The following PDE6B variants were observed in gnomAD, a reference collection of about 807,000 sequenced individuals.
PDE6B encodes the protein phosphodiesterase 6B, also known as rod cGMP-specific 3',5'-cyclic phosphodiesterase subunit beta.
In PDE6B, 106 loss-of-function variants were observed where a neutral mutation model predicts 109.0. That is an observed-to-expected ratio of 0.97 (90% CI 0.83 to 1.14). The LOEUF is 1.14. Ranked by LOEUF, PDE6B falls within the 50% of genes most tolerant of loss-of-function variation. The pLI is 0.00. For missense variants in PDE6B, 1,193 were observed against 1,155.6 expected (o/e 1.03, Z -0.47); for synonymous variants, 490 against 471.3 (o/e 1.04, Z -0.51).
At chr4:635,351 C>G (rs560753630) in intron 2 of PDE6B, among the ~76,000 whole-genome samples, 1 of 135,678 alleles carries the variant, frequency 7.4e-6, no homozygotes, top group Non-Finnish European at 1.5e-5. Flanking sequence ...ACCTGCCTGC[C>G]TGCCTGCCCG....
At position 652,301 on chromosome 4, in the gene PDE6B, G is replaced by A. The variant is rs184386439; in HGVS notation, c.712-1551G>A. 230 of 154,444 alleles carry A rather than the reference G, an allele frequency of 1.5e-3. 2 individuals carry two copies. In the South Asian group the frequency reaches 0.018, roughly 12 times the overall value. 9.6% of individuals were successfully genotyped at this position (154,444 alleles called of 1,614,324 possible). A position where few individuals can be genotyped will look rare whatever the true frequency, so the allele number is the denominator to read the frequency against. On this transcript the variant is annotated intron_variant, in intron 3 of 21. Transcript: ENST00000496514. The stretch of plus-strand genomic sequence containing the variant: ...GATGCTGCCAGGGAAGGGCACTGAC[G>A]TGCATGGACCTGGAGGATGCCACTG...
At position 665,803 on chromosome 4, in the gene PDE6B, G is replaced by GGCGCCAGGAACAGGAGAGGCAGGGCT. The variant is rs1737727901; in HGVS notation, c.2268+477_2268+502dup. Among the ~76,000 whole-genome samples, 1 of 152,188 alleles carries GGCGCCAGGAACAGGAGAGGCAGGGCT rather than the reference G, an allele frequency of 6.6e-6. No homozygotes were observed. Among genetic ancestry groups the GGCGCCAGGAACAGGAGAGGCAGGGCT allele is most frequent in the Non-Finnish European group, 1.5e-5 (1 of 68,024 alleles). On this transcript the variant is annotated intron_variant, in intron 19 of 21. Transcript: ENST00000496514. This position sits in a 1 kb window ranked among gnomAD's most constrained non-coding sequence, Gnocchi z 4.0. Reference sequence around the variant, plus strand: ...GCCAGCAAATGGGAGAGTCAGGATAGGCGCCAGGAACAGGAGAGGCAGGGC... The same window carrying GGCGCCAGGAACAGGAGAGGCAGGGCT: ...GCCAGCAAATGGGAGAGTCAGGATAGGCGCCAGGAACAGGAGAGGCAGGGCTGCGCCAGGAACAGGAGAGGCAGGGC...
chr4:628,251 A>G (rs1355040065), intron 1 of PDE6B, among the ~76,000 whole-genome samples: 1 of 152,156 alleles, frequency 6.6e-6, no homozygotes, highest in Non-Finnish European at 1.5e-5. Context: ...TTCTGGGTTC[A>G]TGTCTCAGTT....
chr4:625,954 C>A lies in PDE6B; in HGVS notation c.328C>A (p.Leu110Ile), dbSNP rs1418170179. 6.3e-7 allele frequency: 1 copy of A among 1,588,196 alleles called. No homozygotes were observed. Among genetic ancestry groups the A allele is most frequent in the Non-Finnish European group, 8.6e-7 (1 of 1,167,424 alleles). The change falls in exon 1 of 22, where the codon CTT (leucine) becomes ATT (isoleucine). Residue 110 changes from leucine to isoleucine, a missense_variant. Transcript: ENST00000496514. The surrounding 1 kb of genome is among the most constrained non-coding windows in gnomAD (Gnocchi z 5.0). ...RNGVAELATR[L>I]FSVQPDSVLE... ...CGGCGTGGCCGAGCTGGCCACCAGG[C>A]TTTTCAGCGTGCAGCCGGACAGCGT...
At chr4:634,016 C>G (rs376663134) in intron 1 of PDE6B, among the ~76,000 whole-genome samples, 3 of 151,920 alleles carry the variant, frequency 2.0e-5, no homozygotes, top group African/African-American at 7.2e-5. Context: ...GGGTGGGTAC[C>G]CCCTGGGAGC....
Position 626,328 on chromosome 4 carries a change from G to A in PDE6B, c.468+234G>A, listed in dbSNP as rs912922235. On this transcript the variant is annotated intron_variant, in intron 1 of 21. Coordinates refer to ENST00000496514, the MANE Select transcript of PDE6B (RefSeq NM_000283.4). This position sits in a 1 kb window ranked among gnomAD's most constrained non-coding sequence, Gnocchi z 4.6. ...CTGACATCGCATGGCCACTGAGTTG[G>A]TTAGACCTGAGTCTAGGAGCCTCGG... Among the ~76,000 whole-genome samples, 3 of 152,228 alleles carry A rather than the reference G, an allele frequency of 2.0e-5. No individual in the cohort carries two copies. The highest frequency in any genetic ancestry group is 2.9e-5 in the Non-Finnish European group (2 of 68,046).
intron 5 of PDE6B, 116 bp downstream of exon 5, chr4:654,270 G>A (rs766612460): frequency 1.1e-4 from 101 of 929,404 alleles, no homozygotes; most frequent in African/African-American, 7.5e-4. Context: ...GGAACTGGCC[G>A]GTGGGACCCC....
chr4:647,364 A>G (rs1309753048), intron 3 of PDE6B, among the ~76,000 whole-genome samples: 1 of 151,992 alleles, frequency 6.6e-6, no homozygotes, highest in Non-Finnish European at 1.5e-5. Context: ...GCTGGGCTGT[A>G]TTGAATGAAC....
At chr4:659,289 TC>T (rs1181401894) in intron 11 of PDE6B, among the ~76,000 whole-genome samples, 3 of 152,246 alleles carry the variant, frequency 2.0e-5, no homozygotes, top group African/African-American at 7.2e-5. Flanking sequence ...CTTCGTGTCT[TC>T]CTGTCTCCTC....
At chr4:657,860 C>G (rs1736513244) in intron 10 of PDE6B, among the ~76,000 whole-genome samples, 1 of 122,642 alleles carries the variant, frequency 8.2e-6, no homozygotes. Flanking sequence ...GGGGTCACGG[C>G]TGTGCGGCAG....
At chr4:658,851 T>C in intron 10 of PDE6B, 101 bp from the exon 11 acceptor site, 3 of 858,966 alleles carry the variant, frequency 3.5e-6, no homozygotes, top group Non-Finnish European at 5.8e-6. Context: ...GCACAAGCTC[T>C]TGACAGCACC....
chr4:665,280 T>C lies in PDE6B; in HGVS notation c.2219T>C (p.Phe740Ser), dbSNP rs1560137638. 6.2e-7 allele frequency: 1 copy of C among 1,612,978 alleles called. No individual in the cohort carries two copies. The highest frequency in any genetic ancestry group is 8.5e-7 in the Non-Finnish European group (1 of 1,179,664). Residue 740 changes from phenylalanine to serine, a missense_variant, in exon 19 of 22, where the codon TTC becomes TCC. Phe to Ser is a radical substitution (Grantham distance 155, BLOSUM62 -2). Coordinates refer to ENST00000496514, the MANE Select transcript of PDE6B (RefSeq NM_000283.4). The surrounding 1 kb of genome is among the most constrained non-coding windows in gnomAD (Gnocchi z 4.0). ...GTCGCACTTCTCGTGGCTGCTGAGTTCTGGGAGCAAGGTGACTTGGAAAGG... is the reference window on the plus strand; with the variant it reads ...GTCGCACTTCTCGTGGCTGCTGAGTCCTGGGAGCAAGGTGACTTGGAAAGG... ...SKVALLVAAE[F>S]WEQGDLERTV...
At chr4:653,753 C>A in intron 3 of PDE6B, 99 bp from the exon 4 acceptor site, 1 of 1,311,488 alleles carries the variant, frequency 7.6e-7, no homozygotes, top group Non-Finnish European at 1.1e-6. Context: ...GATCAGGGAG[C>A]GCACCTGTGT....
At position 667,845 on chromosome 4, in the gene PDE6B, A is replaced by G; in HGVS notation, c.2353-11A>G. On this transcript the variant is annotated splice_polypyrimidine_tract_variant and intron_variant, in intron 20 of 21. Transcript: ENST00000496514. ...GGACAGGACTGGTGGTGACTTCTCG[A>G]CTCCCCTCAGGAGTTCTCTCGTTTC... 1 of 1,612,028 alleles carries G rather than the reference A, an allele frequency of 6.2e-7. No homozygotes were observed. Among genetic ancestry groups the G allele is most frequent in the Admixed American group, 1.7e-5 (1 of 59,962 alleles).
At chr4:630,203 A>C (rs1386570282) in intron 1 of PDE6B, among the ~76,000 whole-genome samples, 1 of 152,196 alleles carries the variant, frequency 6.6e-6, no homozygotes, top group Non-Finnish European at 1.5e-5. Flanking sequence ...GGCAGCTGGC[A>C]GTCGGACAGG....
Position 626,019 on chromosome 4 carries a change from C to T in PDE6B, c.393C>T (p.Val131=), listed in dbSNP as rs1032385229. 13 of 1,594,150 alleles carry T rather than the reference C, an allele frequency of 8.2e-6. No homozygotes were observed. The highest frequency in any genetic ancestry group is 1.0e-5 in the Non-Finnish European group (12 of 1,171,094). ...TGGTGCCCCCCGACTCCGAGATCGTCTTCCCACTGGACATCGGGGTCGTGG... is the reference window on the plus strand; with the variant it reads ...TGGTGCCCCCCGACTCCGAGATCGTTTTCCCACTGGACATCGGGGTCGTGG... ...DCLVPPDSEI[V]FPLDIGVVGH... is the part of the protein sequence containing the mutation. Residue 131 remains valine (V), a synonymous_variant, in exon 1 of 22, where the codon GTC becomes GTT. Coordinates refer to ENST00000496514, the MANE Select transcript of PDE6B (RefSeq NM_000283.4). The surrounding 1 kb of genome is among the most constrained non-coding windows in gnomAD (Gnocchi z 4.6).
At chr4:664,018 G>A in intron 16 of PDE6B, 96 bp from the exon 17 acceptor site, 2 of 1,152,320 alleles carry the variant, frequency 1.7e-6, no homozygotes, top group Non-Finnish European at 2.6e-6. Context: ...CCCGGATGGG[G>A]CCTCGCTCGG....
chr4:661,027 AATGGATGGATGG>A (rs1177095065), intron 12 of PDE6B, among the ~76,000 whole-genome samples: 4 of 145,516 alleles, frequency 2.7e-5, no homozygotes, highest in Non-Finnish European at 6.0e-5. Flanking sequence ...TGGTTGGATA[AATGGATGGATGG>A]GTGAGTGGGC....
chr4:663,334 G>A lies in PDE6B; in HGVS notation c.1920+147G>A, dbSNP rs1737350801. On this transcript the variant is annotated intron_variant, in intron 15 of 21. Transcript: ENST00000496514. This position sits in a 1 kb window ranked among gnomAD's most constrained non-coding sequence, Gnocchi z 4.0. Reference sequence around the variant, plus strand: ...ACTGGGGGAGGGCGGCAGAGAAGGCGGAGGGCCGAGGCTGAGGGCAGGTGC... The same window carrying A: ...ACTGGGGGAGGGCGGCAGAGAAGGCAGAGGGCCGAGGCTGAGGGCAGGTGC... 1 of 675,816 alleles carries A rather than the reference G, an allele frequency of 1.5e-6. No homozygotes were observed. Among genetic ancestry groups the A allele is most frequent in the Non-Finnish European group, 2.7e-6 (1 of 367,334 alleles). The allele number at this position is 675,816 out of a possible 1,614,324, so 41.9% of individuals were successfully genotyped here.
Sources: allele counts gnomAD v4.1 joint callset (sites outside exome capture counted in the v4.1 genomes callset), GRCh38; gene constraint gnomAD v4.1.1; non-coding constraint Gnocchi (gnomAD v3.1); transcripts MANE v1.5; gene names NCBI Gene and HGNC (gene_info 2026-07-23, HGNC 2026-07-21).